The following PPP1R14C variants were observed in gnomAD, a reference collection of about 807,000 sequenced individuals.
PPP1R14C encodes the protein protein phosphatase 1 regulatory inhibitor subunit 14C.
PPP1R14C carries 16 observed loss-of-function variants against 20.4 expected under a neutral mutation model. The observed-to-expected ratio is 0.78, with a 90% CI of 0.53 to 1.19. PPP1R14C has a LOEUF of 1.19. PPP1R14C is among the 50% of genes most tolerant of loss of function. PPP1R14C has a pLI of 0.00. For missense variants in PPP1R14C, 211 were observed against 220.1 expected (o/e 0.96, Z 0.26); for synonymous variants, 91 against 91.0 (o/e 1.00, Z 0.00).
At chr6:150,190,695 G>C (rs1660388569) in intron 1 of PPP1R14C, among the ~76,000 whole-genome samples, 1 of 152,120 alleles carries the variant, frequency 6.6e-6, no homozygotes, top group Admixed American at 6.5e-5. Context: ...AAAGTGCTGG[G>C]ATTACTGCGG....
intron 3 of PPP1R14C, among the ~76,000 whole-genome samples, chr6:150,233,758 T>C (rs931553336): frequency 1.3e-5 from 2 of 152,228 alleles, no homozygotes; most frequent in Non-Finnish European, 2.9e-5. Flanking sequence ...TGATTTTTGT[T>C]TTATAATAAT....
At position 150,143,948 on chromosome 6, in the gene PPP1R14C, A is replaced by G. The variant is rs1777153642; in HGVS notation, c.306+450A>G. Among the ~76,000 whole-genome samples the G allele has an allele frequency of 6.6e-6, 1 of 152,080 alleles. No homozygotes were observed. Among genetic ancestry groups the G allele is most frequent in the Non-Finnish European group, 1.5e-5 (1 of 67,996 alleles). ...TGATTTTTGTGGAGAACGAGCAGGGAAGGAAGGAAGCTGCCTCGTGGAAAG... is the reference window on the plus strand; with the variant it reads ...TGATTTTTGTGGAGAACGAGCAGGGGAGGAAGGAAGCTGCCTCGTGGAAAG... On this transcript the variant is annotated intron_variant, in intron 1 of 3. Coordinates refer to ENST00000361131, the MANE Select transcript of PPP1R14C (RefSeq NM_030949.3). The surrounding 1 kb of genome is among the most constrained non-coding windows in gnomAD (Gnocchi z 5.6).
At chr6:150,155,649 G>A (rs1365187818) in intron 1 of PPP1R14C, among the ~76,000 whole-genome samples, 1 of 152,148 alleles carries the variant, frequency 6.6e-6, no homozygotes, top group African/African-American at 2.4e-5. Flanking sequence ...TTTCAAATAT[G>A]CTTCATCTTA....
chr6:150,151,915 T>C (rs1402798172), intron 1 of PPP1R14C, among the ~76,000 whole-genome samples: 2 of 151,530 alleles, frequency 1.3e-5, no homozygotes, highest in Non-Finnish European at 2.9e-5. Flanking sequence ...GGTCAGGAGA[T>C]CGAGACCATC....
At chr6:150,247,631 G>T (rs897412142) in intron 3 of PPP1R14C, among the ~76,000 whole-genome samples, 8 of 152,208 alleles carry the variant, frequency 5.3e-5, no homozygotes, top group Non-Finnish European at 1.2e-4. Flanking sequence ...ATGTGTGTTT[G>T]TAGGTACCGG....
At chr6:150,191,714 T>C (rs1285221246) in intron 1 of PPP1R14C, among the ~76,000 whole-genome samples, 2 of 152,256 alleles carry the variant, frequency 1.3e-5, no homozygotes, top group East Asian at 3.8e-4. Context: ...TATATTTAAC[T>C]GCTTGGTAGT....
intron 3 of PPP1R14C, among the ~76,000 whole-genome samples, chr6:150,218,378 G>A (rs1288497332): frequency 6.6e-6 from 1 of 151,700 alleles, no homozygotes; most frequent in Non-Finnish European, 1.5e-5. Flanking sequence ...ACTCCAGCCT[G>A]GGCGACAGAG....
chr6:150,143,518 G>A lies in PPP1R14C; in HGVS notation c.306+20G>A, dbSNP rs746988318. On this transcript the variant is annotated intron_variant, in intron 1 of 3. Transcript: ENST00000361131. This position sits in a 1 kb window ranked among gnomAD's most constrained non-coding sequence, Gnocchi z 5.6. ...TGCGAGGTACCTGGGCGCGGGGCTG[G>A]GAGGGTCGGGGACCTCTCTAGCTCC... 2.7e-6 allele frequency: 4 copies of A among 1,468,932 alleles called. No individual in the cohort carries two copies. The highest frequency in any genetic ancestry group is 3.7e-6 in the Non-Finnish European group (4 of 1,072,546). 91.0% of individuals were successfully genotyped at this position (1,468,932 alleles called of 1,614,324 possible). A position where few individuals can be genotyped will look rare whatever the true frequency, so the allele number is the denominator to read the frequency against.
chr6:150,244,029 A>G (rs1778463457), intron 3 of PPP1R14C, among the ~76,000 whole-genome samples: 1 of 152,208 alleles, frequency 6.6e-6, no homozygotes, highest in Non-Finnish European at 1.5e-5. Context: ...GGGAGATTGC[A>G]CAGAAGCATG....
At chr6:150,162,404 G>A (rs1314118049) in intron 1 of PPP1R14C, among the ~76,000 whole-genome samples, 2 of 152,122 alleles carry the variant, frequency 1.3e-5, no homozygotes, top group Non-Finnish European at 2.9e-5. Flanking sequence ...TATTGCTATC[G>A]TTTTGCCTTT....
intron 1 of PPP1R14C, among the ~76,000 whole-genome samples, chr6:150,209,099 C>T (rs1054198314): frequency 6.6e-6 from 1 of 152,260 alleles, no homozygotes; most frequent in Middle Eastern, 3.4e-3. Flanking sequence ...CCACTCCCCA[C>T]CCCTGCCACC....
chr6:150,226,490 G>A (rs879282941), intron 3 of PPP1R14C, among the ~76,000 whole-genome samples: 31 of 152,084 alleles, frequency 2.0e-4, no homozygotes, highest in Non-Finnish European at 4.0e-4. Flanking sequence ...CACTATCTTT[G>A]CACAGTTTCC....
At chr6:150,169,733 C>T (rs1348084301) in intron 1 of PPP1R14C, among the ~76,000 whole-genome samples, 1 of 152,194 alleles carries the variant, frequency 6.6e-6, no homozygotes, top group African/African-American at 2.4e-5. Flanking sequence ...ATTACCAATA[C>T]CATGCAACAA....
intron 1 of PPP1R14C, among the ~76,000 whole-genome samples, chr6:150,168,186 A>G (rs906410279): frequency 3.0e-5 from 3 of 101,496 alleles, no homozygotes; most frequent in African/African-American, 1.2e-4. Flanking sequence ...TGAGGTTCAC[A>G]TATATGCAGT....
At chr6:150,228,701 A>C (rs970617189) in intron 3 of PPP1R14C, among the ~76,000 whole-genome samples, 2 of 152,096 alleles carry the variant, frequency 1.3e-5, no homozygotes. Flanking sequence ...GTATACGAAG[A>C]TGCTTTTTTT....
intron 1 of PPP1R14C, among the ~76,000 whole-genome samples, chr6:150,153,470 C>G (rs973819766): frequency 4.6e-5 from 7 of 152,218 alleles, no homozygotes; most frequent in Non-Finnish European, 1.0e-4. Context: ...AAGTCTTCAG[C>G]ATGTCCAAGA....
At chr6:150,148,586 T>A (rs1257470070) in intron 1 of PPP1R14C, among the ~76,000 whole-genome samples, 1 of 152,198 alleles carries the variant, frequency 6.6e-6, no homozygotes, top group Non-Finnish European at 1.5e-5. Flanking sequence ...AGGTACAGTA[T>A]CACATCAGCC....
chr6:150,244,530 T>G (rs1778469926), intron 3 of PPP1R14C, among the ~76,000 whole-genome samples: 1 of 152,216 alleles, frequency 6.6e-6, no homozygotes, highest in Non-Finnish European at 1.5e-5. Context: ...AGCAGCAGCA[T>G]CTGTACATCC....
chr6:150,176,924 G>A (rs771483553), intron 1 of PPP1R14C, among the ~76,000 whole-genome samples: 11 of 152,202 alleles, frequency 7.2e-5, no homozygotes, highest in Non-Finnish European at 1.0e-4. Context: ...GGAAGGGCTA[G>A]TTATTTAGGG....
Sources: gnomAD v4.1 joint callset for allele counts (sites outside exome capture counted in the v4.1 genomes callset) on GRCh38, gnomAD v4.1.1 for gene constraint, Gnocchi (gnomAD v3.1) non-coding constraint, MANE v1.5 for transcripts, NCBI Gene and HGNC (gene_info 2026-07-23, HGNC 2026-07-21) for gene names.